The following GALNT11 variants were observed in gnomAD, a reference collection of about 807,000 sequenced individuals.
GALNT11 encodes UDP-GalNAc:polypeptide N-acetylgalactosaminyltransferase 11.
A neutral mutation model predicts 72.7 loss-of-function variants in GALNT11; 47 were observed. The ratio of observed to expected loss-of-function variants is 0.65; its 90% CI spans 0.51 to 0.82. The LOEUF (loss-of-function observed/expected upper bound fraction) is 0.82, where lower values mean the gene tolerates loss of function less well. Among genes scored for constraint, GALNT11 ranks in the 40% least tolerant of loss-of-function variants. The pLI is 0.00. For missense variants in GALNT11, 677 were observed against 778.4 expected, an observed-to-expected ratio of 0.87 and a Z score of 1.55; for synonymous variants, 270 against 286.6, an observed-to-expected ratio of 0.94 and a Z score of 0.58.
chr7:152,080,551 G>A (rs1314066962), intron 1 of GALNT11, among the ~76,000 whole-genome samples: 1 of 152,210 alleles, frequency 6.6e-6, no homozygotes, highest in East Asian at 1.9e-4. Context: ...ATGAAAATAA[G>A]TAGTAGATTA....
chr7:152,115,319 CCA>C (rs1194800139), intron 8 of GALNT11, among the ~76,000 whole-genome samples: 3 of 152,130 alleles, frequency 2.0e-5, no homozygotes, highest in Non-Finnish European at 1.5e-5. Context: ...GCATCAGCAC[CCA>C]GTTATACTGT....
intron 1 of GALNT11, among the ~76,000 whole-genome samples, chr7:152,036,674 A>G (rs768369365): frequency 2.8e-4 from 42 of 152,206 alleles, no homozygotes; most frequent in Admixed American, 2.6e-4. Flanking sequence ...ACTGGTCTCC[A>G]TAGTGCTTGT....
chr7:152,108,776 C>T (rs2087862032), intron 6 of GALNT11, among the ~76,000 whole-genome samples: 1 of 152,130 alleles, frequency 6.6e-6, no homozygotes, highest in Non-Finnish European at 1.5e-5. Context: ...TGTGTTTCAT[C>T]TTCTGTAATA....
chr7:152,115,320 CA>C (rs1051321166), intron 8 of GALNT11, among the ~76,000 whole-genome samples: 1 of 152,166 alleles, frequency 6.6e-6, no homozygotes, highest in Admixed American at 6.5e-5. Context: ...CATCAGCACC[CA>C]GTTATACTGT....
At chr7:152,064,588 G>A (rs906609158) in intron 1 of GALNT11, among the ~76,000 whole-genome samples, 2 of 152,088 alleles carry the variant, frequency 1.3e-5, no homozygotes, top group African/African-American at 4.8e-5. Flanking sequence ...GCAGTGTCTG[G>A]TACCGGTTGT....
intron 5 of GALNT11, among the ~76,000 whole-genome samples, chr7:152,106,380 T>G (rs970142483): frequency 3.9e-5 from 6 of 152,208 alleles, no homozygotes; most frequent in Non-Finnish European, 8.8e-5. Context: ...CTGGGCTGAG[T>G]TGGAACTTCA....
rs143382993 is a variant in GALNT11 at position 152,057,770 on chromosome 7, T to C, written c.-39+31886T>C. On this transcript the variant is annotated intron_variant, in intron 1 of 11. Transcript: ENST00000430044. ...CCAATTTCCCCTGTTATTAACATCT[T>C]ACATTAATATGGTACGTGTATTTCA... 2.6e-5 allele frequency among the ~76,000 whole-genome samples: 4 copies of C among 152,346 alleles called. No individual in the cohort carries two copies. The East Asian group carries it at 7.7e-4, about 29-fold the overall frequency.
chr7:152,031,470 C>T (rs544452105), intron 1 of GALNT11, among the ~76,000 whole-genome samples: 1 of 152,294 alleles, frequency 6.6e-6, no homozygotes, highest in Non-Finnish European at 1.5e-5. Context: ...GTCTGATAGC[C>T]ATAAACTCCC....
chr7:152,077,375 G>C (rs2085050186), intron 1 of GALNT11, among the ~76,000 whole-genome samples: 1 of 152,204 alleles, frequency 6.6e-6, no homozygotes, highest in Non-Finnish European at 1.5e-5. Flanking sequence ...GCTATTTGCT[G>C]TTCTGGAAGA....
rs532234108 is a variant in GALNT11 at position 152,025,930 on chromosome 7, C to T, written c.-39+46C>T. ...GGCCTCCCGGCGTCCCTCAGCACCT[C>T]GAGAGCTGCGGCGGCGGCGGCGCGC... On this transcript the variant is annotated intron_variant, in intron 1 of 11. Coordinates refer to ENST00000430044, the MANE Select transcript of GALNT11 (RefSeq NM_022087.4). The T allele has an allele frequency of 6.8e-5, 5 of 73,006 alleles. No individual in the cohort carries two copies. The Admixed American group carries it at 7.4e-4, about 11-fold the overall frequency. 4.5% of individuals were successfully genotyped at this position (73,006 alleles called of 1,614,324 possible).
intron 7 of GALNT11, 35 bp from the exon 8 acceptor site, chr7:152,113,211 G>A (rs1226523185): frequency 1.3e-6 from 2 of 1,567,062 alleles, no homozygotes; most frequent in African/African-American, 2.7e-5. Context: ...AACAACATGA[G>A]GCAACTGTTA....
rs375827778 is a variant in GALNT11 at position 152,098,492 on chromosome 7, A to G, written c.296-2306A>G. Reference sequence around the variant, plus strand: ...CATTTTCTCATTTAATCTGAAATTAATTATAAAATTAATTGAAAAGGGTCC... The same window carrying G: ...CATTTTCTCATTTAATCTGAAATTAGTTATAAAATTAATTGAAAAGGGTCC... On this transcript the variant is annotated intron_variant, in intron 2 of 11. Coordinates refer to ENST00000430044, the MANE Select transcript of GALNT11 (RefSeq NM_022087.4). 9.8e-5 allele frequency among the ~76,000 whole-genome samples: 15 copies of G among 152,294 alleles called. No homozygotes were observed. The East Asian group carries it at 2.9e-3, about 29-fold the overall frequency.
At chr7:152,071,367 C>T (rs921437882) in intron 1 of GALNT11, among the ~76,000 whole-genome samples, 2 of 152,160 alleles carry the variant, frequency 1.3e-5, no homozygotes, top group Non-Finnish European at 2.9e-5. Context: ...AAGAATTCAG[C>T]GATATTTCTC....
At chr7:152,049,144 G>T (rs982657744) in intron 1 of GALNT11, among the ~76,000 whole-genome samples, 1 of 151,976 alleles carries the variant, frequency 6.6e-6, no homozygotes, top group African/African-American at 2.4e-5. Flanking sequence ...AGTTCATTTG[G>T]TGAGGTCATG....
intron 2 of GALNT11, among the ~76,000 whole-genome samples, chr7:152,099,068 A>G (rs932264160): frequency 6.6e-6 from 1 of 152,090 alleles, no homozygotes; most frequent in African/African-American, 2.4e-5. Context: ...CAGCCTCCCA[A>G]GTAGCTGGGA....
intron 1 of GALNT11, among the ~76,000 whole-genome samples, chr7:152,060,322 TC>T (rs770466063): frequency 1.1e-4 from 17 of 152,222 alleles, no homozygotes; most frequent in Non-Finnish European, 2.2e-4. Flanking sequence ...TGTGTCACTT[TC>T]TTATTCCTGT....
intron 8 of GALNT11, chr7:152,116,859 T>A (rs566423721): frequency 1.3e-5 from 7 of 537,416 alleles, no homozygotes; most frequent in African/African-American, 1.1e-4. Context: ...AATTAATAAT[T>A]TGTAGGTTTC....
At chr7:152,096,973 G>C (rs1315218540) in intron 2 of GALNT11, among the ~76,000 whole-genome samples, 1 of 152,036 alleles carries the variant, frequency 6.6e-6, no homozygotes, top group African/African-American at 2.4e-5. Context: ...GGCTACAGGG[G>C]TGTACCACTA....
At chr7:152,095,285 CATTTT>C (rs71713185) in intron 2 of GALNT11, among the ~76,000 whole-genome samples, 5,184 of 152,024 alleles carry the variant, frequency 0.034, 290 homozygotes, top group African/African-American at 0.12. Context: ...TTGATTTTGA[CATTTT>C]ATTTTAAGGG....
Sources: gnomAD v4.1 joint callset for allele counts (sites outside exome capture counted in the v4.1 genomes callset) on GRCh38, gnomAD v4.1.1 for gene constraint, MANE v1.5 for transcripts, NCBI Gene and HGNC (gene_info 2026-07-23, HGNC 2026-07-21) for gene names.